GLUD1: variants seen among roughly 807,000 people sequenced by gnomAD.
GLUD1 encodes glutamate dehydrogenase 1, mitochondrial.
GLUD1 carries 22 observed loss-of-function variants against 56.0 expected under a neutral mutation model. The observed-to-expected ratio is 0.39, with a 90% confidence interval of 0.28 to 0.56. The LOEUF (loss-of-function observed/expected upper bound fraction) is 0.56. Ranked by LOEUF, GLUD1 falls within the 20% of genes least tolerant of loss-of-function variation. The pLI is 0.58. For synonymous variants in GLUD1, 223 were observed against 269.9 expected, an observed-to-expected ratio of 0.83 and a Z score of 1.70; for missense variants, 451 against 732.0, an observed-to-expected ratio of 0.62 and a Z score of 4.43.
chr10:87,092,692 C>A, intron 1 of GLUD1: 1 of 662,396 alleles, frequency 1.5e-6, no homozygotes, highest in Non-Finnish European at 1.9e-6. Flanking sequence ...GAGACCAAAT[C>A]ATCCTGCAGA....
intron 5 of GLUD1, chr10:87,067,793 T>C: frequency 2.4e-6 from 1 of 409,608 alleles, no homozygotes; most frequent in Non-Finnish European, 4.6e-6. Context: ...CAGAATTGGA[T>C]GCTTCTTGAT....
In GLUD1 at chr10:87,057,759, T is replaced by C; in HGVS notation, c.1426A>G (p.Arg476Gly). 1.9e-6 allele frequency: 3 copies of C among 1,574,044 alleles called. No individual in the cohort carries two copies. Among genetic ancestry groups the C allele is most frequent in the Non-Finnish European group, 1.7e-6 (2 of 1,143,718 alleles). Reference sequence around the variant, plus strand: ...GTTCCACCATGCTTTCCAAATTTTCTTTCTAAACTCTCTTGAACAGACACT... The same window carrying C: ...GTTCCACCATGCTTTCCAAATTTTCCTTCTAAACTCTCTTGAACAGACACT... ...LLMSVQESLERKFGKHGGTIP... is the reference protein window; with the variant it reads ...LLMSVQESLEGKFGKHGGTIP... Residue 476 changes from arginine to glycine, a missense_variant, in exon 11 of 13, where the codon AGA becomes GGA. By Grantham distance (125) the Arg-to-Gly change is moderately radical. Coordinates refer to ENST00000277865, the MANE Select transcript of GLUD1 (RefSeq NM_005271.5).
chr10:87,075,886 C>G (rs988907502), intron 3 of GLUD1, 82 bp downstream of exon 3: 2 of 969,658 alleles, frequency 2.1e-6, no homozygotes, highest in African/African-American at 1.6e-5. Flanking sequence ...TGTACTCCGG[C>G]CTGAACAACA....
intron 2 of GLUD1, among the ~76,000 whole-genome samples, chr10:87,076,259 C>T (rs1226412014): frequency 6.6e-6 from 1 of 152,126 alleles, no homozygotes; most frequent in African/African-American, 2.4e-5. Context: ...GTGCTCTTTA[C>T]CACTTCTAAA....
chr10:87,056,064 C>CA (rs1400062588), intron 11 of GLUD1, among the ~76,000 whole-genome samples: 1 of 116,758 alleles, frequency 8.6e-6, no homozygotes, highest in Admixed American at 1.2e-4. Flanking sequence ...TGCAGTGAGC[C>CA]AAAATCGCAC....
chr10:87,086,658 C>T (rs2133853050), intron 1 of GLUD1, among the ~76,000 whole-genome samples: 1 of 148,098 alleles, frequency 6.8e-6, no homozygotes, highest in Non-Finnish European at 1.5e-5. Flanking sequence ...CCCGTCTCCA[C>T]TAAAAATACA....
chr10:87,062,355 C>T (rs559834492), intron 6 of GLUD1, among the ~76,000 whole-genome samples: 2 of 152,336 alleles, frequency 1.3e-5, no homozygotes, highest in Non-Finnish European at 2.9e-5. Context: ...TGTTAAGAGA[C>T]TTGCCCTTCT....
rs781298299 is a variant in GLUD1 at position 87,051,053 on chromosome 10, C to T, written c.*698G>A. 6.3e-6 allele frequency: 1 copy of T among 157,670 alleles called. No individual in the cohort carries two copies. The highest frequency in any genetic ancestry group is 6.5e-5 in the Admixed American group (1 of 15,472). The allele number at this position is 157,670 out of a possible 1,614,324, so 9.8% of individuals were successfully genotyped here. A position where few individuals can be genotyped will look rare whatever the true frequency, so the allele number is the denominator to read the frequency against. On this transcript the variant is annotated 3_prime_UTR_variant, in exon 13 of 13. Coordinates refer to ENST00000277865, the MANE Select transcript of GLUD1 (RefSeq NM_005271.5). ...GGCTTTTAATGTCTGCTGGACAATACATGAATGATAAGCTATAAATGACAT... is the reference window on the plus strand; with the variant it reads ...GGCTTTTAATGTCTGCTGGACAATATATGAATGATAAGCTATAAATGACAT...
intron 10 of GLUD1, 103 bp from the exon 11 acceptor site, chr10:87,057,885 TACAG>T (rs370778432): frequency 7.1e-6 from 5 of 702,742 alleles, no homozygotes; most frequent in Admixed American, 2.1e-5. Flanking sequence ...CAAAAACTTA[TACAG>T]ACAGAGTCGT....
intron 4 of GLUD1, among the ~76,000 whole-genome samples, chr10:87,070,298 A>G (rs1846195591): frequency 6.6e-6 from 1 of 151,830 alleles, no homozygotes; most frequent in Admixed American, 6.6e-5. Flanking sequence ...ATTAAACAAT[A>G]CATTTAAAAA....
intron 11 of GLUD1, among the ~76,000 whole-genome samples, chr10:87,056,130 A>AAAAAAAAAAAC: frequency 6.8e-6 from 1 of 147,308 alleles, no homozygotes; most frequent in Non-Finnish European, 1.5e-5. Flanking sequence ...AAAAAAAAAA[A>AAAAAAAAAAAC]AAAAAAAAAA....
chr10:87,083,626 G>A (rs1048095020), intron 1 of GLUD1, among the ~76,000 whole-genome samples: 7 of 152,232 alleles, frequency 4.6e-5, no homozygotes, highest in Admixed American at 2.0e-4. Flanking sequence ...ACAGAAACTA[G>A]AAGGAGGAAG....
chr10:87,057,857 C>T (rs1370342180), intron 10 of GLUD1, 75 bp from the exon 11 acceptor site: 5 of 811,142 alleles, frequency 6.2e-6, no homozygotes, highest in Non-Finnish European at 1.1e-5. Flanking sequence ...AAAGTAGTCC[C>T]AAACTATAAC....
chr10:87,053,662 A>G (rs901178219), intron 11 of GLUD1, among the ~76,000 whole-genome samples: 1 of 152,200 alleles, frequency 6.6e-6, no homozygotes, highest in African/African-American at 2.4e-5. Context: ...TAGTACAACA[A>G]TGAAGACAGT....
chr10:87,073,056 T>C (rs1846282049), intron 4 of GLUD1, among the ~76,000 whole-genome samples: 1 of 152,268 alleles, frequency 6.6e-6, no homozygotes, highest in Non-Finnish European at 1.5e-5. Context: ...GTTTTAGAGT[T>C]ACCTATACTT....
chr10:87,059,583 A>C (rs139765042), intron 9 of GLUD1, among the ~76,000 whole-genome samples: 1,902 of 152,310 alleles, frequency 0.012, 31 homozygotes, highest in Middle Eastern at 0.071. Flanking sequence ...TGGCTTGCCC[A>C]CCAACCAGTT....
intron 6 of GLUD1, among the ~76,000 whole-genome samples, chr10:87,062,384 G>T (rs1016566657): frequency 6.6e-6 from 1 of 152,164 alleles, no homozygotes; most frequent in Non-Finnish European, 1.5e-5. Context: ...TTTCAAGTTT[G>T]AATACTAACC....
At chr10:87,056,773 A>G (rs978832479) in intron 11 of GLUD1, among the ~76,000 whole-genome samples, 1 of 152,180 alleles carries the variant, frequency 6.6e-6, no homozygotes, top group African/African-American at 2.4e-5. Context: ...ATAAAGGTAC[A>G]ACTGTTTCAC....
chr10:87,085,083 G>A lies in GLUD1; in HGVS notation c.446-8427C>T, dbSNP rs1043349976. Among the ~76,000 whole-genome samples the A allele has an allele frequency of 1.9e-4, 29 of 151,876 alleles. 1 individual carries two copies. The highest frequency in any genetic ancestry group is 3.2e-4 in the Non-Finnish European group (22 of 67,946). On this transcript the variant is annotated intron_variant, in intron 1 of 12. Transcript: ENST00000277865. ...CTTTAGGCTGGGCGTGGTGGCTCACGCGTGTAATCCCAGCACTTTGGGAGG... is the reference window on the plus strand; with the variant it reads ...CTTTAGGCTGGGCGTGGTGGCTCACACGTGTAATCCCAGCACTTTGGGAGG...
Sources: gnomAD v4.1 joint callset for allele counts (sites outside exome capture counted in the v4.1 genomes callset) on GRCh38, gnomAD v4.1.1 for gene constraint, MANE v1.5 for transcripts, NCBI Gene and HGNC (gene_info 2026-07-23, HGNC 2026-07-21) for gene names.